POLG: variants seen among roughly 807,000 people sequenced by gnomAD.
POLG encodes DNA polymerase gamma, catalytic subunit.
Under a neutral mutation model 155.4 loss-of-function variants are expected in POLG, and 110 were observed. The observed-to-expected ratio is 0.71, with a 90% CI of 0.61 to 0.83. The LOEUF (loss-of-function observed/expected upper bound fraction) is 0.83, where lower values mean the gene tolerates loss of function less well. Ranked by LOEUF, POLG falls within the 40% of genes least tolerant of loss-of-function variation. The pLI is 0.00. For synonymous variants in POLG, 701 were observed against 631.5 expected (o/e 1.11, Z -1.65); for missense variants, 1,685 against 1,627.5 (o/e 1.04, Z -0.61).
At position 89,316,718 on chromosome 15, in the gene POLG, C is replaced by A. The variant is rs746044371; in HGVS notation, c.*33G>T. ...GAGCCTGCACCACCCCGATGAAGCT[C>A]CACGGGAGCAAATACAGAGCCTCCA... is the stretch of plus-strand genomic sequence containing the variant. On this transcript the variant is annotated 3_prime_UTR_variant, in exon 23 of 23. Coordinates refer to ENST00000268124, the MANE Select transcript of POLG (RefSeq NM_002693.3). The A allele has an allele frequency of 1.3e-6, 2 of 1,565,530 alleles. No individual in the cohort carries two copies. Among genetic ancestry groups the A allele is most frequent in the Non-Finnish European group, 1.8e-6 (2 of 1,135,782 alleles).
In POLG at chr15:89,317,446, C is replaced by A. The variant is rs1085307741; in HGVS notation, c.3573G>T (p.Lys1191Asn). 1 of 1,614,120 alleles carries A rather than the reference C, an allele frequency of 6.2e-7. No individual in the cohort carries two copies. Among genetic ancestry groups the A allele is most frequent in the Non-Finnish European group, 8.5e-7 (1 of 1,179,978 alleles). Reference protein sequence around the residue: ...SAVDIDRCLRKEVTMDCKTPS... With the variant: ...SAVDIDRCLRNEVTMDCKTPS... The stretch of plus-strand genomic sequence containing the variant: ...GGGTTTTACAATCCATGGTCACTTC[C>A]TTCCTGAGGCACCGGTCAATATCGA... The change falls in exon 22 of 23, where the codon AAG becomes AAT. Residue 1191 changes from lysine to asparagine, a missense_variant. Coordinates refer to ENST00000268124, the MANE Select transcript of POLG (RefSeq NM_002693.3).
intron 10 of POLG, 45 bp from the exon 11 acceptor site, chr15:89,324,272 C>T (rs1173601128): frequency 6.2e-7 from 1 of 1,605,050 alleles, no homozygotes; most frequent in South Asian, 1.1e-5. Flanking sequence ...TTACCAGATG[C>T]CCACTCTGGG....
intron 3 of POLG, among the ~76,000 whole-genome samples, 192 bp downstream of exon 3, chr15:89,329,889 C>A (rs376322125): frequency 6.6e-6 from 1 of 152,154 alleles, no homozygotes; most frequent in Non-Finnish European, 1.5e-5. Flanking sequence ...AGGTCCTATA[C>A]CAGGCTTTCC....
chr15:89,330,036 G>T, intron 3 of POLG, 45 bp downstream of exon 3: 1 of 1,508,466 alleles, frequency 6.6e-7, no homozygotes, highest in Non-Finnish European at 9.2e-7. Context: ...TAGGGCTCCT[G>T]GCCCATCCCA....
intron 2 of POLG, among the ~76,000 whole-genome samples, chr15:89,332,617 G>A (rs1347475229): frequency 6.6e-6 from 1 of 150,846 alleles, no homozygotes; most frequent in Non-Finnish European, 1.5e-5. Flanking sequence ...GGGGGGCGGG[G>A]GGGTGTTGGT....
chr15:89,318,007 T>TTTAA (rs746361262), intron 21 of POLG: 26 of 299,746 alleles, frequency 8.7e-5, no homozygotes, highest in South Asian at 6.8e-4. Context: ...AACGGTAATA[T>TTTAA]TTAATTCATC....
rs761844984 is a variant in POLG at position 89,325,085 on chromosome 15, A to AGAGTGAGTGAGTGAGTGAGAGAGTGAGT, written c.1949+364_1949+365insACTCACTCTCTCACTCACTCACTCACTC. 2.6e-5 allele frequency among the ~76,000 whole-genome samples: 2 copies of AGAGTGAGTGAGTGAGTGAGAGAGTGAGT among 77,676 alleles called. 1 individual carries two copies. The highest frequency in any genetic ancestry group is 1.7e-4 in the African/African-American group (2 of 11,444). 51.0% of individuals were successfully genotyped at this position (77,676 alleles called of 152,430 possible). On this transcript the variant is annotated intron_variant, in intron 10 of 22. Transcript: ENST00000268124. ...GTGAGTGAGTGAGTGAGTGAGTGAG[A>AGAGTGAGTGAGTGAGTGAGAGAGTGAGT]GAGTGAGTGAGTGAGAGAGTGAGAG...
chr15:89,320,948 A>C lies in POLG; in HGVS notation c.2799T>G (p.Ser933Arg), dbSNP rs765916932. 21 of 1,613,860 alleles carry C rather than the reference A, an allele frequency of 1.3e-5. No individual in the cohort carries two copies. Among genetic ancestry groups the C allele is most frequent in the Non-Finnish European group, 1.6e-5 (19 of 1,180,028 alleles). The change falls in exon 18 of 23, where the codon AGT (serine) becomes AGG (arginine). Residue 933 changes from serine (S) to arginine (R), a missense_variant. Around this residue, in one of 3 missense-constraint regions of POLG, gnomAD observed 470 missense variants for 439.9 expected, o/e 1.07. Coordinates refer to ENST00000268124, the MANE Select transcript of POLG (RefSeq NM_002693.3). ...TGATGCCCACAGTAGTGGCTGTCTT[A>C]CTGTGTAGATCAGTGCCCCTGCTCT... ...GRKSRGTDLH[S>R]KTATTVGISR... is the part of the protein sequence containing the mutation.
chr15:89,329,401 C>T (rs928213119), intron 3 of POLG, among the ~76,000 whole-genome samples: 12 of 152,158 alleles, frequency 7.9e-5, no homozygotes, highest in Admixed American at 2.6e-4. Context: ...CTCTGAGCAA[C>T]GTAGATACAG....
At chr15:89,326,787 TAA>T in intron 8 of POLG, 49 bp from the exon 9 acceptor site, 1 of 1,613,392 alleles carries the variant, frequency 6.2e-7, no homozygotes, top group Non-Finnish European at 8.5e-7. Context: ...GAACTCTCAA[TAA>T]GATCTGCTCC....
At chr15:89,326,412 A>C (rs1038901859) in intron 9 of POLG, among the ~76,000 whole-genome samples, 200 bp downstream of exon 9, 2 of 152,198 alleles carry the variant, frequency 1.3e-5, no homozygotes, top group Non-Finnish European at 2.9e-5. Context: ...GGTGCTCACA[A>C]CACTGTGCTG....
At chr15:89,323,286 C>G (rs1334146751) in intron 13 of POLG, 118 bp downstream of exon 13, 1 of 726,830 alleles carries the variant, frequency 1.4e-6, no homozygotes, top group African/African-American at 1.7e-5. Context: ...CACACTCTGT[C>G]CCACTACTAG....
At position 89,317,999 on chromosome 15, in the gene POLG, C is replaced by T. The variant is rs761912768; in HGVS notation, c.3483-463G>A. The T allele has an allele frequency of 2.2e-4, 68 of 302,596 alleles. 1 individual carries two copies. Among genetic ancestry groups the T allele is most frequent in the Non-Finnish European group, 7.1e-5 (11 of 155,904 alleles). 18.7% of individuals were successfully genotyped at this position (302,596 alleles called of 1,614,324 possible). A position where few individuals can be genotyped will look rare whatever the true frequency, so the allele number is the denominator to read the frequency against. On this transcript the variant is annotated intron_variant, in intron 21 of 22. Transcript: ENST00000268124. Reference sequence around the variant, plus strand: ...TTCTGAGTGGCAGATCAACATGGAACGGTAATATTTAATTCATCCATATGA... The same window carrying T: ...TTCTGAGTGGCAGATCAACATGGAATGGTAATATTTAATTCATCCATATGA...
At chr15:89,317,213 A>G (rs1230974244) in intron 22 of POLG, 163 bp downstream of exon 22, 1 of 671,572 alleles carries the variant, frequency 1.5e-6, no homozygotes, top group Non-Finnish European at 2.7e-6. Context: ...ATCATATCAC[A>G]TTCACTCTGG....
chr15:89,328,985 C>T lies in POLG; in HGVS notation c.981G>A (p.Lys327=). 1 of 1,613,822 alleles carries T rather than the reference C, an allele frequency of 6.2e-7. No individual in the cohort carries two copies. The highest frequency in any genetic ancestry group is 1.3e-5 in the African/African-American group (1 of 75,066). ...CTTTCCTCTGGGACTTCTGGCCTTGCTTTGTGGGGGGCTGGACCTTGTGTT... is the reference window on the plus strand; with the variant it reads ...CTTTCCTCTGGGACTTCTGGCCTTGTTTTGTGGGGGGCTGGACCTTGTGTT... ...QGKHKVQPPT[K]QGQKSQRKAR... Residue 327 remains lysine (K), a synonymous_variant, in exon 4 of 23, where the codon AAG becomes AAA. Coordinates refer to ENST00000268124, the MANE Select transcript of POLG (RefSeq NM_002693.3).
intron 1 of POLG, 52 bp from the exon 2 acceptor site, chr15:89,333,965 G>T: frequency 1.6e-6 from 1 of 609,586 alleles, no homozygotes; most frequent in Non-Finnish European, 2.9e-6. Context: ...TGTAATAGGT[G>T]TATCCATAAT....
intron 22 of POLG, 63 bp downstream of exon 22, chr15:89,317,313 A>G (rs2055304040): frequency 6.5e-7 from 1 of 1,549,432 alleles, no homozygotes. Flanking sequence ...CTGTTCTCCA[A>G]GACCCACTTT....
chr15:89,318,404 G>GAAAT, intron 21 of POLG, 137 bp downstream of exon 21: 1 of 685,684 alleles, frequency 1.5e-6, no homozygotes, highest in East Asian at 2.7e-5. Flanking sequence ...TTAAAAATTA[G>GAAAT]AAATAAATAA....
chr15:89,328,316 G>T (rs2152067660), intron 6 of POLG, 140 bp downstream of exon 6: 1 of 726,664 alleles, frequency 1.4e-6, no homozygotes, highest in South Asian at 1.5e-5. Flanking sequence ...GGACACCACT[G>T]AACAGAAGGG....
Sources: allele counts gnomAD v4.1 joint callset (sites outside exome capture counted in the v4.1 genomes callset), GRCh38; gene constraint gnomAD v4.1.1; regional missense constraint gnomAD v4.1.1; transcripts MANE v1.5; gene names NCBI Gene and HGNC (gene_info 2026-07-23, HGNC 2026-07-21).